The following BRINP1 variants were observed in gnomAD, a reference collection of about 807,000 sequenced individuals.
BRINP1 encodes BMP/retinoic acid inducible neural specific 1, also known as BMP/retinoic acid-inducible neural-specific protein 1.
Under a neutral mutation model 72.9 loss-of-function variants are expected in BRINP1, and 17 were observed. That is an observed-to-expected ratio of 0.23 (90% CI 0.16 to 0.35). The LOEUF (loss-of-function observed/expected upper bound fraction) is 0.35, where lower values mean the gene tolerates loss of function less well. BRINP1 is among the 10% of genes least tolerant of loss of function. The probability of loss-of-function intolerance (pLI) is 1.00; values close to 1 mark genes in which losing one functional copy is unlikely to be tolerated. For synonymous variants in BRINP1, 418 were observed against 378.5 expected, an observed-to-expected ratio of 1.10 and a Z score of -1.21; for missense variants, 850 against 1,001.6, an observed-to-expected ratio of 0.85 and a Z score of 2.04.
At chr9:119,177,942 G>A (rs943689882) in intron 7 of BRINP1, among the ~76,000 whole-genome samples, 1 of 152,144 alleles carries the variant, frequency 6.6e-6, no homozygotes, top group Non-Finnish European at 1.5e-5. Flanking sequence ...TGGTGTTCAC[G>A]GGGAGCAGGG....
intron 7 of BRINP1, among the ~76,000 whole-genome samples, chr9:119,176,309 GCT>G (rs1829489171): frequency 6.6e-6 from 1 of 152,172 alleles, no homozygotes; most frequent in East Asian, 1.9e-4. Context: ...TGACGATGAT[GCT>G]CTCAGTGGTT....
chr9:119,232,635 A>C (rs959354786), intron 5 of BRINP1, among the ~76,000 whole-genome samples: 1 of 152,154 alleles, frequency 6.6e-6, no homozygotes, highest in Non-Finnish European at 1.5e-5. Flanking sequence ...ATCTGGCTTT[A>C]AAAACATACC....
chr9:119,172,940 G>A lies in BRINP1; in HGVS notation c.1146-4716C>T, dbSNP rs536315768. ...TTGACAAAATTCAACCACCCTTCATGCTAAAAACTCTCAATAAATTAGGTA... is the reference window on the plus strand; with the variant it reads ...TTGACAAAATTCAACCACCCTTCATACTAAAAACTCTCAATAAATTAGGTA... On this transcript the variant is annotated intron_variant, in intron 7 of 7. Transcript: ENST00000265922. Among the ~76,000 whole-genome samples, 25 of 150,872 alleles carry A rather than the reference G, an allele frequency of 1.7e-4. No individual in the cohort carries two copies. The South Asian group carries it at 4.2e-3, about 25-fold the overall frequency.
At chr9:119,219,674 A>AGG (rs1220471262) in intron 5 of BRINP1, among the ~76,000 whole-genome samples, 3 of 151,630 alleles carry the variant, frequency 2.0e-5, no homozygotes, top group Admixed American at 6.6e-5. Flanking sequence ...AGAGAGAGAG[A>AGG]GAGAGAGAGA....
At chr9:119,204,844 C>T (rs1014918262) in intron 7 of BRINP1, among the ~76,000 whole-genome samples, 1 of 152,302 alleles carries the variant, frequency 6.6e-6, no homozygotes, top group South Asian at 2.1e-4. Context: ...GGATTCGGAC[C>T]AGTCCATGTG....
At chr9:119,169,443 C>T (rs947960004) in intron 7 of BRINP1, among the ~76,000 whole-genome samples, 1 of 152,214 alleles carries the variant, frequency 6.6e-6, no homozygotes, top group Non-Finnish European at 1.5e-5. Flanking sequence ...AACGGCGCAC[C>T]GCGAGATTAT....
chr9:119,197,741 G>A (rs1432410951), intron 7 of BRINP1, among the ~76,000 whole-genome samples: 2 of 152,108 alleles, frequency 1.3e-5, no homozygotes, highest in Admixed American at 6.6e-5. Flanking sequence ...ACAAGCATAC[G>A]AGCTGAAAGT....
At chr9:119,293,638 A>G (rs1471498712) in intron 2 of BRINP1, among the ~76,000 whole-genome samples, 2 of 152,216 alleles carry the variant, frequency 1.3e-5, no homozygotes, top group African/African-American at 4.8e-5. Context: ...AGCCTTTGCT[A>G]CGTCATCTGT....
chr9:119,295,773 CCA>C (rs1830870322), intron 2 of BRINP1, among the ~76,000 whole-genome samples: 1 of 152,244 alleles, frequency 6.6e-6, no homozygotes, highest in East Asian at 1.9e-4. Flanking sequence ...AGGGTTCCAA[CCA>C]CACACAATGA....
At chr9:119,352,576 T>C (rs1319959758) in intron 1 of BRINP1, among the ~76,000 whole-genome samples, 1 of 152,032 alleles carries the variant, frequency 6.6e-6, no homozygotes, top group East Asian at 1.9e-4. Flanking sequence ...CCCAGCTGAT[T>C]TTTGTATTTT....
rs1831718127 is a variant in BRINP1 at position 119,368,426 on chromosome 9, A to G, written c.-51+630T>C. Among the ~76,000 whole-genome samples the G allele has an allele frequency of 6.6e-6, 1 of 151,892 alleles. No homozygotes were observed. Among genetic ancestry groups the G allele is most frequent in the Admixed American group, 6.6e-5 (1 of 15,250 alleles). Reference sequence around the variant, plus strand: ...GTAGCAGGATTCCACCGTTTGGAGGAATTTTCCTTCAAGCGTACCAACATT... The same window carrying G: ...GTAGCAGGATTCCACCGTTTGGAGGGATTTTCCTTCAAGCGTACCAACATT... On this transcript the variant is annotated intron_variant, in intron 1 of 7. Coordinates refer to ENST00000265922, the MANE Select transcript of BRINP1 (RefSeq NM_014618.3). This position sits in a 1 kb window ranked among gnomAD's most constrained non-coding sequence, Gnocchi z 4.7.
At chr9:119,274,537 A>G (rs896968499) in intron 2 of BRINP1, among the ~76,000 whole-genome samples, 2 of 152,184 alleles carry the variant, frequency 1.3e-5, no homozygotes, top group African/African-American at 4.8e-5. Context: ...TTTGGAAGAG[A>G]CCATTAGAAG....
intron 5 of BRINP1, among the ~76,000 whole-genome samples, chr9:119,222,389 G>A (rs1222554237): frequency 6.6e-6 from 1 of 152,090 alleles, no homozygotes; most frequent in Non-Finnish European, 1.5e-5. Context: ...AGATAAAAGA[G>A]TTGAGCAGTT....
At chr9:119,245,080 C>T (rs1830299899) in intron 3 of BRINP1, among the ~76,000 whole-genome samples, 1 of 152,122 alleles carries the variant, frequency 6.6e-6, no homozygotes, top group Non-Finnish European at 1.5e-5. Flanking sequence ...GGGGACTTCT[C>T]CCAAAATGCA....
intron 1 of BRINP1, among the ~76,000 whole-genome samples, chr9:119,359,611 A>G (rs1831608559): frequency 6.6e-6 from 1 of 152,232 alleles, no homozygotes; most frequent in African/African-American, 2.4e-5. Flanking sequence ...GCAGGTATTC[A>G]AACTCCAGCA....
intron 1 of BRINP1, among the ~76,000 whole-genome samples, chr9:119,343,976 C>T (rs544056396): frequency 7.2e-5 from 11 of 152,148 alleles, no homozygotes; most frequent in African/African-American, 1.4e-4. Context: ...CTGTCTCAAT[C>T]GCTTCCCCAT....
intron 6 of BRINP1, among the ~76,000 whole-genome samples, chr9:119,211,443 C>T (rs1399577384): frequency 6.6e-6 from 1 of 151,884 alleles, no homozygotes; most frequent in Non-Finnish European, 1.5e-5. Context: ...GTGATCCGCC[C>T]TTCTTGGTCT....
chr9:119,227,908 G>C (rs1411856534), intron 5 of BRINP1, among the ~76,000 whole-genome samples: 1 of 151,938 alleles, frequency 6.6e-6, no homozygotes, highest in Non-Finnish European at 1.5e-5. Flanking sequence ...TGGATAAATG[G>C]GCTAGTGGTT....
chr9:119,207,667 A>G, intron 7 of BRINP1, among the ~76,000 whole-genome samples: 1 of 152,198 alleles, frequency 6.6e-6, no homozygotes. Flanking sequence ...CTTTGGACAA[A>G]TTACTTGACC....
Sources: allele counts gnomAD v4.1 joint callset (sites outside exome capture counted in the v4.1 genomes callset), GRCh38; gene constraint gnomAD v4.1.1; non-coding constraint Gnocchi (gnomAD v3.1); transcripts MANE v1.5; gene names NCBI Gene and HGNC (gene_info 2026-07-23, HGNC 2026-07-21).